PNPLA8: variants seen among roughly 807,000 people sequenced by gnomAD.
The protein encoded by PNPLA8 is patatin like domain 8, phospholipase A2, also known as calcium-independent phospholipase A2-gamma.
Under a neutral mutation model 76.9 loss-of-function variants are expected in PNPLA8, and 39 were observed. The observed-to-expected ratio is 0.51, with a 90% CI of 0.39 to 0.66. The LOEUF is 0.66. Among genes scored for constraint, PNPLA8 ranks in the 30% least tolerant of loss-of-function variants. PNPLA8 has a pLI of 0.00. For missense variants in PNPLA8, 887 were observed against 918.0 expected (o/e 0.97, Z 0.44); for synonymous variants, 301 against 307.9 (o/e 0.98, Z 0.24).
chr7:108,479,634 T>C (rs574332499), intron 9 of PNPLA8: 3 of 499,014 alleles, frequency 6.0e-6, no homozygotes, highest in East Asian at 7.8e-5. Context: ...CTAAAAAATA[T>C]TGAAATGAAC....
At position 108,496,748 on chromosome 7, in the gene PNPLA8, T is replaced by C. The variant is rs1174839280; in HGVS notation, c.1461A>G (p.Ile487Met). The change falls in exon 7 of 11, where the codon ATA (isoleucine) becomes ATG (methionine). Residue 487 changes from isoleucine to methionine, a missense_variant. Physicochemically the swap from Ile to Met is conservative, Grantham distance 10. Coordinates refer to ENST00000257694, the MANE Select transcript of PNPLA8 (RefSeq NM_001256007.3). Reference protein sequence around the residue: ...DYICGVSTGAILAFMLGLFHM... With the variant: ...DYICGVSTGAMLAFMLGLFHM... ...GAAACAACCCCAACATGAAAGCTAA[T>C]ATGGCACCTGGAAAAAAGAATCCTT... The C allele has an allele frequency of 6.2e-7, 1 of 1,608,586 alleles. No individual in the cohort carries two copies. The highest frequency in any genetic ancestry group is 8.5e-7 in the Non-Finnish European group (1 of 1,177,398).
intron 2 of PNPLA8, among the ~76,000 whole-genome samples, chr7:108,516,802 T>C (rs2154516886): frequency 6.6e-6 from 1 of 152,166 alleles, no homozygotes; most frequent in African/African-American, 2.4e-5. Context: ...CTCGGGTGGC[T>C]GAGGCAGAAG....
At chr7:108,516,173 A>G (rs1247055910) in intron 2 of PNPLA8, among the ~76,000 whole-genome samples, 2 of 152,250 alleles carry the variant, frequency 1.3e-5, no homozygotes, top group East Asian at 1.9e-4. Context: ...AGCATATAAC[A>G]TAGAAGGGGT....
At chr7:108,491,275 C>T (rs963521387) in intron 8 of PNPLA8, 135 bp downstream of exon 8, 1 of 606,840 alleles carries the variant, frequency 1.6e-6, no homozygotes, top group African/African-American at 1.9e-5. Context: ...CTATTGCACT[C>T]CAGCCTGGGC....
chr7:108,496,186 G>A lies in PNPLA8; in HGVS notation c.1625+398C>T, dbSNP rs1861534073. ...GGAAGTTGAGGCTGCAGTGAGCCAA[G>A]ATAGCACCACTGTACTCTACCCTGG... On this transcript the variant is annotated intron_variant, in intron 7 of 10. Transcript: ENST00000257694. Among the ~76,000 whole-genome samples the A allele has an allele frequency of 2.0e-5, 3 of 152,146 alleles. 1 individual carries two copies. Among genetic ancestry groups the A allele is most frequent in the African/African-American group, 2.4e-5 (1 of 41,420 alleles).
Position 108,515,079 on chromosome 7 carries a change from TTTC to T in PNPLA8, c.410_412del (p.Arg137del). The T allele has an allele frequency of 1.2e-6, 2 of 1,604,144 alleles. No individual in the cohort carries two copies. Among genetic ancestry groups the T allele is most frequent in the Non-Finnish European group, 1.7e-6 (2 of 1,178,054 alleles). On this transcript the variant is annotated inframe_deletion, in exon 3 of 11. Transcript: ENST00000257694. ...TTTTAACCAGCCACTATCCGATACTTTTCTTAAAATTTGGGAACTTGGCTTAAA... is the reference window on the plus strand; with the variant it reads ...TTTTAACCAGCCACTATCCGATACTTTTAAAATTTGGGAACTTGGCTTAAA...
intron 9 of PNPLA8, 161 bp from the exon 10 acceptor site, chr7:108,479,540 G>A: frequency 1.6e-6 from 1 of 626,216 alleles, no homozygotes; most frequent in Non-Finnish European, 2.9e-6. Flanking sequence ...AAGACTCATT[G>A]GTCTCATAAA....
intron 2 of PNPLA8, among the ~76,000 whole-genome samples, chr7:108,517,504 T>A (rs180956935): frequency 6.6e-6 from 1 of 152,288 alleles, no homozygotes; most frequent in African/African-American, 2.4e-5. Flanking sequence ...AACAACAAGA[T>A]GTATTTTAGT....
At chr7:108,502,751 G>C in intron 4 of PNPLA8, 109 bp from the exon 5 acceptor site, 1 of 672,362 alleles carries the variant, frequency 1.5e-6, no homozygotes, top group Non-Finnish European at 2.5e-6. Flanking sequence ...CAAGGTGACA[G>C]TGTTCATTAC....
intron 9 of PNPLA8, among the ~76,000 whole-genome samples, chr7:108,486,151 T>C (rs964414971): frequency 6.6e-6 from 1 of 152,068 alleles, no homozygotes; most frequent in Non-Finnish European, 1.5e-5. Context: ...TACTTTCTTT[T>C]GGATAAAGAA....
At chr7:108,487,381 T>G (rs1860810244) in intron 9 of PNPLA8, among the ~76,000 whole-genome samples, 1 of 152,188 alleles carries the variant, frequency 6.6e-6, no homozygotes, top group Non-Finnish European at 1.5e-5. Flanking sequence ...CTGTATCCCT[T>G]TCTTCAAAAT....
At chr7:108,497,100 G>T (rs1391981387) in intron 6 of PNPLA8, among the ~76,000 whole-genome samples, 4 of 151,984 alleles carry the variant, frequency 2.6e-5, no homozygotes, top group Non-Finnish European at 5.9e-5. Flanking sequence ...AGATACTATG[G>T]TAGATAATTC....
chr7:108,481,821 C>G (rs1292491695), intron 9 of PNPLA8, among the ~76,000 whole-genome samples: 1 of 152,140 alleles, frequency 6.6e-6, no homozygotes, highest in African/African-American at 2.4e-5. Context: ...GAACTACGAT[C>G]CATTATAAAT....
intron 7 of PNPLA8, among the ~76,000 whole-genome samples, chr7:108,493,284 A>T (rs1563950884): frequency 6.6e-6 from 1 of 152,212 alleles, no homozygotes. Flanking sequence ...ATATGCAAAG[A>T]TACTCTCATA....
chr7:108,508,723 T>C (rs201390127), intron 4 of PNPLA8, among the ~76,000 whole-genome samples: 3,115 of 151,772 alleles, frequency 0.021, 43 homozygotes, highest in African/African-American at 0.027. Flanking sequence ...GCCAAGTCAA[T>C]CCTAAGCCAA....
At chr7:108,479,832 C>T (rs1860269572) in intron 9 of PNPLA8, among the ~76,000 whole-genome samples, 1 of 152,126 alleles carries the variant, frequency 6.6e-6, no homozygotes, top group African/African-American at 2.4e-5. Flanking sequence ...GGATCACATT[C>T]ATTATAATGC....
At chr7:108,488,261 T>C (rs73426137) in intron 8 of PNPLA8, among the ~76,000 whole-genome samples, 3,467 of 152,210 alleles carry the variant, frequency 0.023, 52 homozygotes, top group African/African-American at 0.035. Context: ...TACATAATAA[T>C]TGACAAAACA....
At position 108,472,183 on chromosome 7, in the gene PNPLA8, C is replaced by T. The variant is rs2154514528; in HGVS notation, c.*218G>A. 1 of 409,764 alleles carries T rather than the reference C, an allele frequency of 2.4e-6. No homozygotes were observed. Among genetic ancestry groups the T allele is most frequent in the Non-Finnish European group, 4.4e-6 (1 of 225,258 alleles). 25.4% of individuals were successfully genotyped at this position (409,764 alleles called of 1,614,324 possible). ...CACAGTAAGGGTTACTAAAGCTTAG[C>T]TAATTATTAACATCTTAAAAGCCTA... On this transcript the variant is annotated 3_prime_UTR_variant, in exon 11 of 11. Coordinates refer to ENST00000257694, the MANE Select transcript of PNPLA8 (RefSeq NM_001256007.3).
At chr7:108,479,907 T>C (rs1178345417) in intron 9 of PNPLA8, among the ~76,000 whole-genome samples, 1 of 152,212 alleles carries the variant, frequency 6.6e-6, no homozygotes, top group Non-Finnish European at 1.5e-5. Context: ...CAATATTATT[T>C]TGAAGACTTC....
Sources: allele counts gnomAD v4.1 joint callset (sites outside exome capture counted in the v4.1 genomes callset), GRCh38; gene constraint gnomAD v4.1.1; transcripts MANE v1.5; gene names NCBI Gene and HGNC (gene_info 2026-07-23, HGNC 2026-07-21).